The following DNAH14 variants were observed in gnomAD, a reference collection of about 807,000 sequenced individuals.
The protein encoded by DNAH14 is dynein axonemal heavy chain 14.
Under a neutral mutation model 520.9 loss-of-function variants are expected in DNAH14, and 478 were observed. The ratio of observed to expected loss-of-function variants is 0.92; its 90% CI spans 0.85 to 0.99. The LOEUF (loss-of-function observed/expected upper bound fraction) is 0.99. Ranked by LOEUF, DNAH14 falls within the 50% of genes least tolerant of loss-of-function variation. The pLI is 0.00. For missense variants in DNAH14, 4,831 were observed against 5,234.5 expected (o/e 0.92, Z 2.38); for synonymous variants, 1,581 against 1,757.2 (o/e 0.90, Z 2.51).
At chr1:225,289,057 C>G (rs564425181) in intron 54 of DNAH14, among the ~76,000 whole-genome samples, 2 of 152,176 alleles carry the variant, frequency 1.3e-5, no homozygotes, top group Non-Finnish European at 2.9e-5. Flanking sequence ...AGAAACCATT[C>G]AAATGTTCAT....
At chr1:225,034,515 TTGTGTGTGTGTGTGTGTG>T (rs71170047) in intron 11 of DNAH14, among the ~76,000 whole-genome samples, 2 of 147,704 alleles carry the variant, frequency 1.4e-5, no homozygotes, top group African/African-American at 5.1e-5. Context: ...TGGCTTGAAT[TTGTGTGTGTGTGTGTGTG>T]TGTGTGTGTG....
intron 36 of DNAH14, among the ~76,000 whole-genome samples, chr1:225,178,720 G>A (rs2083622828): frequency 6.6e-6 from 1 of 152,112 alleles, no homozygotes; most frequent in African/African-American, 2.4e-5. Flanking sequence ...AAGACTTTGG[G>A]GGACTGTTGG....
chr1:225,360,393 A>G (rs1211732662), intron 74 of DNAH14, among the ~76,000 whole-genome samples: 4 of 152,212 alleles, frequency 2.6e-5, no homozygotes, highest in African/African-American at 7.2e-5. Context: ...GTATACAGCC[A>G]TCTCGAACAA....
chr1:224,935,955 C>G (rs911055655), intron 1 of DNAH14, among the ~76,000 whole-genome samples: 1 of 151,596 alleles, frequency 6.6e-6, no homozygotes, highest in African/African-American at 2.4e-5. Context: ...TCAACATGCC[C>G]CTGAATGACC....
intron 66 of DNAH14, among the ~76,000 whole-genome samples, chr1:225,335,012 T>G (rs563328378): frequency 1.3e-5 from 2 of 149,406 alleles, no homozygotes; most frequent in Non-Finnish European, 3.0e-5. Context: ...GCATATATAC[T>G]TATATGTATA....
intron 21 of DNAH14, among the ~76,000 whole-genome samples, chr1:225,094,262 A>G (rs145294048): frequency 1.3e-5 from 2 of 152,226 alleles, no homozygotes; most frequent in African/African-American, 2.4e-5. Context: ...ACAGCATGGT[A>G]CTGGTACAAA....
chr1:225,103,068 G>A (rs3101910), intron 23 of DNAH14, among the ~76,000 whole-genome samples: 39,502 of 151,956 alleles, frequency 0.26, 7,942 homozygotes, highest in African/African-American at 0.56. Context: ...ATTTTTGTAT[G>A]AGGTGTAAGG....
At chr1:225,050,076 T>C (rs1287187575) in intron 15 of DNAH14, 134 bp from the exon 16 acceptor site, 1 of 720,848 alleles carries the variant, frequency 1.4e-6, no homozygotes, top group Non-Finnish European at 2.1e-6. Context: ...ATTCCAGTTA[T>C]AAATATAGAA....
At chr1:225,102,647 A>G (rs930923067) in intron 23 of DNAH14, among the ~76,000 whole-genome samples, 7 of 152,134 alleles carry the variant, frequency 4.6e-5, no homozygotes, top group Non-Finnish European at 1.0e-4. Flanking sequence ...GCCAGTGATG[A>G]TGAGCATTTT....
chr1:225,039,147 A>G (rs1353435585), intron 12 of DNAH14, among the ~76,000 whole-genome samples: 1 of 152,210 alleles, frequency 6.6e-6, no homozygotes, highest in Non-Finnish European at 1.5e-5. Flanking sequence ...CAGAGGAGAC[A>G]GATAAATGAA....
intron 55 of DNAH14, among the ~76,000 whole-genome samples, chr1:225,294,294 A>T (rs1377303827): frequency 6.6e-6 from 1 of 152,090 alleles, no homozygotes; most frequent in Non-Finnish European, 1.5e-5. Context: ...ATACCAGTTG[A>T]TAATGGTGTA....
chr1:225,301,119 A>C, intron 56 of DNAH14, 89 bp downstream of exon 56: 2 of 1,362,784 alleles, frequency 1.5e-6, no homozygotes, highest in Non-Finnish European at 2.0e-6. Flanking sequence ...AGTTGGATAT[A>C]ATTTCTTTAG....
At chr1:225,141,934 A>T (rs769295) in intron 28 of DNAH14, among the ~76,000 whole-genome samples, 1 of 152,132 alleles carries the variant, frequency 6.6e-6, no homozygotes, top group South Asian at 2.1e-4. Flanking sequence ...CAGTTAGCAT[A>T]AAAGTCCTTA....
intron 69 of DNAH14, among the ~76,000 whole-genome samples, chr1:225,344,008 C>T (rs2095244526): frequency 6.6e-6 from 1 of 152,140 alleles, no homozygotes; most frequent in Admixed American, 6.6e-5. Context: ...TTTAAGATAA[C>T]ACACATTAGG....
intron 58 of DNAH14, among the ~76,000 whole-genome samples, chr1:225,306,039 C>T (rs976621267): frequency 1.3e-5 from 2 of 152,214 alleles, no homozygotes; most frequent in African/African-American, 4.8e-5. Flanking sequence ...ATTGCACCTT[C>T]TCTGTCTCAA....
chr1:225,173,882 T>C (rs868810242), intron 36 of DNAH14, among the ~76,000 whole-genome samples: 2 of 152,158 alleles, frequency 1.3e-5, no homozygotes, highest in African/African-American at 4.8e-5. Context: ...AATGATAGAC[T>C]GGATTAAGAA....
intron 17 of DNAH14, among the ~76,000 whole-genome samples, chr1:225,077,235 G>A (rs544403734): frequency 1.4e-4 from 22 of 151,884 alleles, no homozygotes; most frequent in Admixed American, 5.3e-4. Context: ...ACTTTCTAAG[G>A]GTAATCTCAC....
intron 8 of DNAH14, 86 bp downstream of exon 8, chr1:224,974,239 T>C (rs1572165523): frequency 1.2e-6 from 1 of 860,314 alleles, no homozygotes; most frequent in African/African-American, 1.7e-5. Flanking sequence ...AATTTCATTT[T>C]CATTCAGTGA....
chr1:225,231,083 G>C lies in DNAH14; in HGVS notation c.6450G>C (p.Leu2150Phe). The change falls in exon 42 of 86, where the codon TTG (leucine) becomes TTC (phenylalanine). Residue 2150 changes from leucine to phenylalanine, a missense_variant. Transcript: ENST00000682510. Reference protein sequence around the residue: ...KNGGFEQSDDLNDTSSKEANS... With the variant: ...KNGGFEQSDDFNDTSSKEANS... ...TCTTTCCTTTTTAAGGTGATGATTTGAATGACACGTCATCTAAGGAGGCAA... is the reference window on the plus strand; with the variant it reads ...TCTTTCCTTTTTAAGGTGATGATTTCAATGACACGTCATCTAAGGAGGCAA... 1 of 1,546,952 alleles carries C rather than the reference G, an allele frequency of 6.5e-7. No individual in the cohort carries two copies. Among genetic ancestry groups the C allele is most frequent in the Non-Finnish European group, 8.7e-7 (1 of 1,144,944 alleles).
Sources: allele counts gnomAD v4.1 joint callset (sites outside exome capture counted in the v4.1 genomes callset), GRCh38; gene constraint gnomAD v4.1.1; transcripts MANE v1.5; gene names NCBI Gene and HGNC (gene_info 2026-07-23, HGNC 2026-07-21).